NPSR1: variants seen among roughly 807,000 people sequenced by gnomAD.
The protein encoded by NPSR1 is neuropeptide S receptor 1.
A neutral mutation model predicts 46.9 loss-of-function variants in NPSR1; 48 were observed. The ratio of observed to expected loss-of-function variants is 1.02; its 90% confidence interval spans 0.81 to 1.30. NPSR1 has a LOEUF of 1.30. Among genes scored for constraint, NPSR1 ranks in the 50% most tolerant of loss-of-function variants. NPSR1 has a pLI of 0.00. For missense variants in NPSR1, 450 were observed against 449.5 expected (o/e 1.00, Z -0.01); for synonymous variants, 176 against 168.1 (o/e 1.05, Z -0.36).
chr7:34,732,588 A>G (rs991046528), intron 2 of NPSR1, among the ~76,000 whole-genome samples: 1 of 152,206 alleles, frequency 6.6e-6, no homozygotes, highest in East Asian at 1.9e-4. Flanking sequence ...TCACTCATTC[A>G]TCATGCAGGC....
At chr7:34,814,494 T>C (rs1469656900) in intron 4 of NPSR1, among the ~76,000 whole-genome samples, 1 of 152,228 alleles carries the variant, frequency 6.6e-6, no homozygotes. Context: ...GCAGACAGCT[T>C]CTGCAGACTT....
chr7:34,673,733 C>A (rs35042219), intron 1 of NPSR1, among the ~76,000 whole-genome samples: 2 of 152,148 alleles, frequency 1.3e-5, no homozygotes, highest in Admixed American at 6.5e-5. Context: ...ATATGAGAAG[C>A]CTTACAAAGG....
intron 4 of NPSR1, among the ~76,000 whole-genome samples, chr7:34,823,783 G>C (rs576299216): frequency 3.3e-5 from 5 of 152,230 alleles, no homozygotes; most frequent in Non-Finnish European, 7.4e-5. Flanking sequence ...TTGGAGTACA[G>C]TATAACCACC....
At chr7:34,658,717 C>A (rs1361696638) in intron 1 of NPSR1, among the ~76,000 whole-genome samples, 158 bp downstream of exon 1, 4 of 152,198 alleles carry the variant, frequency 2.6e-5, no homozygotes, top group Non-Finnish European at 4.4e-5. Context: ...AAACAACAAG[C>A]TGTAGTGTGC....
chr7:34,867,407 A>G (rs1791338096), intron 8 of NPSR1, among the ~76,000 whole-genome samples: 3 of 151,800 alleles, frequency 2.0e-5, no homozygotes, highest in African/African-American at 7.3e-5. Context: ...TCCTGTTTCT[A>G]TCTTCAGTAA....
At chr7:34,703,626 T>A (rs1220314301) in intron 2 of NPSR1, among the ~76,000 whole-genome samples, 1 of 152,172 alleles carries the variant, frequency 6.6e-6, no homozygotes, top group African/African-American at 2.4e-5. Context: ...TCTTAACTAA[T>A]TATTCTCTAT....
chr7:34,668,063 G>T (rs991716914), intron 1 of NPSR1, among the ~76,000 whole-genome samples: 2 of 151,982 alleles, frequency 1.3e-5, no homozygotes, highest in African/African-American at 4.8e-5. Flanking sequence ...AAGGATTCTT[G>T]GAGTTCCTTA....
intron 2 of NPSR1, among the ~76,000 whole-genome samples, chr7:34,743,277 T>C (rs1785041171): frequency 6.6e-6 from 1 of 152,168 alleles, no homozygotes; most frequent in Admixed American, 6.5e-5. Context: ...TTTTACAGTT[T>C]TGGGTTTTAC....
At chr7:34,805,799 T>A (rs1332494902) in intron 3 of NPSR1, among the ~76,000 whole-genome samples, 1 of 151,940 alleles carries the variant, frequency 6.6e-6, no homozygotes, top group Non-Finnish European at 1.5e-5. Flanking sequence ...TCATAAAGGA[T>A]TTGTATCCAA....
rs192477260 is a variant in NPSR1 at position 34,714,400 on chromosome 7, C to T, written c.280+29716C>T. Among the ~76,000 whole-genome samples the T allele has an allele frequency of 3.3e-5, 5 of 152,326 alleles. No individual in the cohort carries two copies. The East Asian group carries it at 7.7e-4, about 24-fold the overall frequency. On this transcript the variant is annotated intron_variant, in intron 2 of 8. Coordinates refer to ENST00000360581, the MANE Select transcript of NPSR1 (RefSeq NM_207172.2). ...CCATCTTTGGAGACTAGTGACCACA[C>T]GTCTGGAATTGTGCAATGGGCCAGT...
intron 2 of NPSR1, chr7:34,719,048 T>G (rs1451394906): frequency 6.6e-6 from 1 of 152,462 alleles, no homozygotes; most frequent in Non-Finnish European, 1.5e-5. Context: ...TCTGTCCTGC[T>G]GGCTTGGTGA....
chr7:34,871,838 G>A (rs1403177217), intron 8 of NPSR1, among the ~76,000 whole-genome samples: 6 of 151,898 alleles, frequency 4.0e-5, no homozygotes, highest in Non-Finnish European at 7.3e-5. Flanking sequence ...GCTTTGCAGG[G>A]TGCAGTACAC....
chr7:34,774,280 C>T (rs560124978), intron 2 of NPSR1, among the ~76,000 whole-genome samples: 4 of 152,168 alleles, frequency 2.6e-5, no homozygotes, highest in Admixed American at 1.3e-4. Context: ...ATAGAGAACC[C>T]CCATATAGCC....
At chr7:34,782,171 G>T (rs1007234517) in intron 3 of NPSR1, among the ~76,000 whole-genome samples, 2 of 152,080 alleles carry the variant, frequency 1.3e-5, no homozygotes, top group Non-Finnish European at 2.9e-5. Context: ...GCAGCAGAAG[G>T]GGCATCTGCA....
At chr7:34,776,904 C>A (rs1786987012) in intron 2 of NPSR1, among the ~76,000 whole-genome samples, 1 of 152,160 alleles carries the variant, frequency 6.6e-6, no homozygotes, top group Non-Finnish European at 1.5e-5. Context: ...CTGACTAGTG[C>A]CCTCTCCTGT....
At chr7:34,687,074 C>T (rs1475844268) in intron 2 of NPSR1, among the ~76,000 whole-genome samples, 3 of 141,430 alleles carry the variant, frequency 2.1e-5, no homozygotes, top group African/African-American at 7.4e-5. Flanking sequence ...TAATACTTTC[C>T]TCTGTTTTTG....
At chr7:34,821,508 G>T (rs918816274) in intron 4 of NPSR1, among the ~76,000 whole-genome samples, 1 of 152,092 alleles carries the variant, frequency 6.6e-6, no homozygotes, top group Non-Finnish European at 1.5e-5. Context: ...AAAGGACATC[G>T]ACGCCAAAGT....
intron 2 of NPSR1, among the ~76,000 whole-genome samples, chr7:34,732,447 G>A (rs1471053746): frequency 1.3e-5 from 2 of 152,138 alleles, no homozygotes; most frequent in Non-Finnish European, 2.9e-5. Flanking sequence ...GACCACTTGG[G>A]CACCAGAGGG....
chr7:34,662,614 T>A (rs1791512585), intron 1 of NPSR1, among the ~76,000 whole-genome samples: 1 of 152,206 alleles, frequency 6.6e-6, no homozygotes, highest in African/African-American at 2.4e-5. Context: ...TATGTTCAAT[T>A]TGAGTTTCTA....
Sources: allele counts gnomAD v4.1 joint callset (sites outside exome capture counted in the v4.1 genomes callset), GRCh38; gene constraint gnomAD v4.1.1; transcripts MANE v1.5; gene names NCBI Gene and HGNC (gene_info 2026-07-23, HGNC 2026-07-21).